The following ANO3 variants were observed in gnomAD, a reference collection of about 807,000 sequenced individuals.
ANO3 encodes the protein anoctamin-3.
A neutral mutation model predicts 144.8 loss-of-function variants in ANO3; 99 were observed. The ratio of observed to expected loss-of-function variants is 0.68; its 90% CI spans 0.58 to 0.81. The LOEUF (loss-of-function observed/expected upper bound fraction) is 0.81. ANO3 is among the 30% of genes least tolerant of loss of function. The pLI is 0.00. For missense variants in ANO3, 905 were observed against 1,202.2 expected (o/e 0.75, Z 3.66); for synonymous variants, 414 against 392.6 (o/e 1.05, Z -0.64).
chr11:26,480,569 A>T (rs1483539157), intron 4 of ANO3, among the ~76,000 whole-genome samples: 1 of 152,174 alleles, frequency 6.6e-6, no homozygotes, highest in Non-Finnish European at 1.5e-5. Context: ...ACACTTTGGG[A>T]GGCCAAGATG....
intron 12 of ANO3, 25 bp from the exon 13 acceptor site, chr11:26,553,224 G>GTTTTT (rs367822925): frequency 4.2e-5 from 49 of 1,174,312 alleles, no homozygotes; most frequent in African/African-American, 2.9e-4. Flanking sequence ...GTTTTGTTTT[G>GTTTTT]TTTTTGTTTT....
chr11:26,301,619 G>A (rs1457781557), intron 1 of ANO3, among the ~76,000 whole-genome samples: 1 of 152,108 alleles, frequency 6.6e-6, no homozygotes, highest in Non-Finnish European at 1.5e-5. Context: ...ATGTTATGTA[G>A]GGGAGTGGAG....
intron 12 of ANO3, among the ~76,000 whole-genome samples, chr11:26,552,489 T>C (rs1849959963): frequency 6.6e-6 from 1 of 152,018 alleles, no homozygotes; most frequent in South Asian, 2.1e-4. Context: ...GGGCCATGTA[T>C]GAGAGGAAAG....
intron 1 of ANO3, among the ~76,000 whole-genome samples, chr11:26,435,452 T>C (rs967893494): frequency 1.8e-4 from 27 of 152,348 alleles, no homozygotes; most frequent in African/African-American, 6.5e-4. Context: ...CATTTGACTA[T>C]TGGTCTCTCT....
chr11:26,649,981 G>A (rs1338253727), intron 24 of ANO3, among the ~76,000 whole-genome samples: 2 of 152,154 alleles, frequency 1.3e-5, no homozygotes, highest in Admixed American at 6.6e-5. Context: ...CTAGTGGCAG[G>A]TGAAAATGAG....
chr11:26,422,714 A>G (rs1292403873), intron 1 of ANO3, among the ~76,000 whole-genome samples: 1 of 152,036 alleles, frequency 6.6e-6, no homozygotes, highest in African/African-American at 2.4e-5. Flanking sequence ...AAACTATAGA[A>G]GAAAAGAAAT....
At chr11:26,550,053 G>C (rs449594) in intron 12 of ANO3, among the ~76,000 whole-genome samples, 2 of 150,794 alleles carry the variant, frequency 1.3e-5, no homozygotes, top group African/African-American at 4.9e-5. Context: ...ACAAGATGAA[G>C]AAATTGATCC....
chr11:26,662,340 C>G lies in ANO3; in HGVS notation c.*1896C>G, dbSNP rs1853904402. Reference sequence around the variant, plus strand: ...CCCCCCCCTCCTTATTTGTAGCAATCGTAGCAACTAATTCCACTAAGTACA... The same window carrying G: ...CCCCCCCCTCCTTATTTGTAGCAATGGTAGCAACTAATTCCACTAAGTACA... On this transcript the variant is annotated 3_prime_UTR_variant, in exon 27 of 27. Coordinates refer to ENST00000256737, the MANE Select transcript of ANO3 (RefSeq NM_031418.4). The G allele has an allele frequency of 6.6e-6, 1 of 151,380 alleles. No homozygotes were observed. The highest frequency in any genetic ancestry group is 1.5e-5 in the Non-Finnish European group (1 of 67,926). The allele number at this position is 151,380 out of a possible 1,614,324, so 9.4% of individuals were successfully genotyped here. A position where few individuals can be genotyped will look rare whatever the true frequency, so the allele number is the denominator to read the frequency against.
intron 1 of ANO3, among the ~76,000 whole-genome samples, chr11:26,387,403 T>C (rs1013230801): frequency 5.3e-5 from 8 of 152,078 alleles, no homozygotes; most frequent in African/African-American, 1.9e-4. Flanking sequence ...TCTGTTTAAA[T>C]CCAGTACTCT....
chr11:26,229,384 C>A (rs1295568214), intron 1 of ANO3, among the ~76,000 whole-genome samples: 1 of 152,170 alleles, frequency 6.6e-6, no homozygotes, highest in Non-Finnish European at 1.5e-5. Flanking sequence ...ACAAGTCATT[C>A]CAAACTTCAA....
chr11:26,559,016 T>G (rs1289438228), intron 13 of ANO3: 1 of 152,120 alleles, frequency 6.6e-6, no homozygotes, highest in Non-Finnish European at 1.5e-5. Flanking sequence ...ATTATGCAAA[T>G]GCAAACAAGC....
intron 1 of ANO3, among the ~76,000 whole-genome samples, chr11:26,260,253 T>C (rs11029451): frequency 6.6e-6 from 1 of 152,086 alleles, no homozygotes; most frequent in African/African-American, 2.4e-5. Flanking sequence ...ATATAAGACT[T>C]CTTTTCCCAA....
intron 14 of ANO3, among the ~76,000 whole-genome samples, chr11:26,593,137 T>G (rs1851501407): frequency 6.6e-6 from 1 of 152,136 alleles, no homozygotes; most frequent in Admixed American, 6.5e-5. Context: ...GGCTTCCTGA[T>G]GTTTGATAGA....
chr11:26,660,872 G>T lies in ANO3; in HGVS notation c.*428G>T. ...TAATTTGACTTTGGAAAGTATGGTTGAGTTCAGATACTTATAAGAAATGAC... is the reference window on the plus strand; with the variant it reads ...TAATTTGACTTTGGAAAGTATGGTTTAGTTCAGATACTTATAAGAAATGAC... On this transcript the variant is annotated 3_prime_UTR_variant, in exon 27 of 27. Coordinates refer to ENST00000256737, the MANE Select transcript of ANO3 (RefSeq NM_031418.4). 1 of 158,240 alleles carries T rather than the reference G, an allele frequency of 6.3e-6. No homozygotes were observed. The highest frequency in any genetic ancestry group is 1.4e-5 in the Non-Finnish European group (1 of 72,064). 9.8% of individuals were successfully genotyped at this position (158,240 alleles called of 1,614,324 possible). A position where few individuals can be genotyped will look rare whatever the true frequency, so the allele number is the denominator to read the frequency against.
At chr11:26,192,610 A>G (rs1024623294) in intron 1 of ANO3, among the ~76,000 whole-genome samples, 2 of 152,192 alleles carry the variant, frequency 1.3e-5, no homozygotes. Context: ...AAATATCTAT[A>G]AGGTAGTATT....
At chr11:26,545,027 T>C (rs1849751262) in intron 11 of ANO3, among the ~76,000 whole-genome samples, 2 of 152,032 alleles carry the variant, frequency 1.3e-5, no homozygotes, top group South Asian at 4.1e-4. Context: ...ATTTAGATGG[T>C]AATGAGACAA....
chr11:26,373,818 A>G (rs1020994194), intron 1 of ANO3, among the ~76,000 whole-genome samples: 12 of 152,224 alleles, frequency 7.9e-5, no homozygotes, highest in African/African-American at 2.9e-4. Flanking sequence ...AGTCTTTTGC[A>G]GATAAGAACA....
chr11:26,418,755 T>C (rs2133994944), intron 1 of ANO3, among the ~76,000 whole-genome samples: 1 of 152,080 alleles, frequency 6.6e-6, no homozygotes, highest in East Asian at 1.9e-4. Context: ...GCACGTTGTG[T>C]CCTTCAAGCT....
At chr11:26,400,920 A>T (rs1431319784) in intron 1 of ANO3, among the ~76,000 whole-genome samples, 5 of 151,786 alleles carry the variant, frequency 3.3e-5, no homozygotes, top group Non-Finnish European at 7.4e-5. Flanking sequence ...TTATACTTCA[A>T]AAAAAAGAAA....
Sources: gnomAD v4.1 joint callset for allele counts (sites outside exome capture counted in the v4.1 genomes callset) on GRCh38, gnomAD v4.1.1 for gene constraint, MANE v1.5 for transcripts, NCBI Gene and HGNC (gene_info 2026-07-23, HGNC 2026-07-21) for gene names.